SLC45A4: variants seen among roughly 807,000 people sequenced by gnomAD.
SLC45A4 encodes polyamine-transporter SLC45A4.
In SLC45A4, 32 loss-of-function variants were observed where a neutral mutation model predicts 63.7. The ratio of observed to expected loss-of-function variants is 0.50; its 90% CI spans 0.38 to 0.67. SLC45A4 has a LOEUF of 0.67. Among genes scored for constraint, SLC45A4 ranks in the 30% least tolerant of loss-of-function variants. The pLI, the probability that SLC45A4 is intolerant of heterozygous loss-of-function variation, is 0.00. For synonymous variants in SLC45A4, 535 were observed against 510.0 expected (o/e 1.05, Z -0.66); for missense variants, 1,027 against 1,157.7 (o/e 0.89, Z 1.64).
At chr8:141,306,856 C>T (rs554967983) in intron 1 of SLC45A4, among the ~76,000 whole-genome samples, 114 of 152,214 alleles carry the variant, frequency 7.5e-4, no homozygotes, top group Non-Finnish European at 1.4e-3. Flanking sequence ...CATCTGACCC[C>T]ACAACAATTA....
chr8:141,291,205 C>A (rs1183827923), intron 1 of SLC45A4, among the ~76,000 whole-genome samples: 1 of 152,180 alleles, frequency 6.6e-6, no homozygotes, highest in African/African-American at 2.4e-5. Context: ...AAACTGTATA[C>A]AAAATTGCAT....
chr8:141,252,447 A>C (rs377115177), intron 2 of SLC45A4: 5 of 48,372 alleles, frequency 1.0e-4, no homozygotes, highest in South Asian at 7.1e-4. Flanking sequence ...GTGAATTTCC[A>C]TGTTTTCACG....
intron 2 of SLC45A4, among the ~76,000 whole-genome samples, chr8:141,236,082 C>T (rs1297408858): frequency 6.6e-6 from 1 of 152,226 alleles, no homozygotes; most frequent in East Asian, 1.9e-4. Context: ...CCAGCCTGGG[C>T]GACAGAGCAA....
intron 2 of SLC45A4, among the ~76,000 whole-genome samples, chr8:141,223,505 A>G (rs1235880361): frequency 1.3e-5 from 2 of 152,226 alleles, no homozygotes; most frequent in African/African-American, 4.8e-5. Flanking sequence ...TGCAGACTGT[A>G]CCAATGTATG....
rs1161972932 is a variant in SLC45A4 at position 141,218,644 on chromosome 8, G to A, written c.996C>T (p.Pro332=). 1.2e-6 allele frequency: 2 copies of A among 1,613,250 alleles called. No individual in the cohort carries two copies. Among genetic ancestry groups the A allele is most frequent in the Non-Finnish European group, 1.7e-6 (2 of 1,179,914 alleles). The change falls in exon 5 of 9, where the codon CCC becomes CCT. Residue 332 remains proline, a synonymous_variant. Coordinates refer to ENST00000517878, the MANE Select transcript of SLC45A4 (RefSeq NM_001286646.2). ...GGTAGGAGGCGTCGTGGAAGATGGA[G>A]GGCTCGATGTCGTGCAGGAACAGCA... ...PELLFLHDIE[P]SIFHDASYPA...
At chr8:141,270,585 C>T (rs575863621) in intron 1 of SLC45A4, among the ~76,000 whole-genome samples, 5 of 151,956 alleles carry the variant, frequency 3.3e-5, no homozygotes, top group Admixed American at 6.6e-5. Flanking sequence ...GTGGGAGAAC[C>T]GCTTGAGGCC....
intron 2 of SLC45A4, among the ~76,000 whole-genome samples, chr8:141,240,252 G>A (rs1827846788): frequency 6.6e-6 from 1 of 152,212 alleles, no homozygotes; most frequent in African/African-American, 2.4e-5. Context: ...TTCGTCGAGT[G>A]GAGAGAAGTT....
At chr8:141,258,439 A>AT (rs1828904548) in intron 1 of SLC45A4, among the ~76,000 whole-genome samples, 1 of 152,256 alleles carries the variant, frequency 6.6e-6, no homozygotes, top group Non-Finnish European at 1.5e-5. Context: ...AGCAGGTTGC[A>AT]TAAGAATCAC....
chr8:141,239,740 T>G (rs1827812012), intron 2 of SLC45A4, among the ~76,000 whole-genome samples: 1 of 152,216 alleles, frequency 6.6e-6, no homozygotes, highest in African/African-American at 2.4e-5. Context: ...CTGCCGGTTT[T>G]AGAGACAACA....
At chr8:141,299,260 G>T (rs1377948064) in intron 1 of SLC45A4, among the ~76,000 whole-genome samples, 1 of 152,222 alleles carries the variant, frequency 6.6e-6, no homozygotes. Flanking sequence ...AGGACGCCAG[G>T]CTTCATGATG....
intron 1 of SLC45A4, among the ~76,000 whole-genome samples, chr8:141,257,473 T>C (rs1000864040): frequency 4.6e-5 from 7 of 152,226 alleles, no homozygotes; most frequent in African/African-American, 1.4e-4. Flanking sequence ...GAAATCCTAA[T>C]GACTTAATTA....
Position 141,254,333 on chromosome 8 carries a change from C to T in SLC45A4, c.-104G>A. 1 of 1,303,340 alleles carries T rather than the reference C, an allele frequency of 7.7e-7. No individual in the cohort carries two copies. The highest frequency in any genetic ancestry group is 2.7e-4 in the Middle Eastern group (1 of 3,676). 80.7% of individuals were successfully genotyped at this position (1,303,340 alleles called of 1,614,324 possible). ...AAGACGTCTTCTCTTTCTGCTTCTG[C>T]TGTGTTCCTCGGGCAGGTAACACTT... On this transcript the variant is annotated 5_prime_UTR_variant, in exon 2 of 9. Coordinates refer to ENST00000517878, the MANE Select transcript of SLC45A4 (RefSeq NM_001286646.2). This position sits in a 1 kb window ranked among gnomAD's most constrained non-coding sequence, Gnocchi z 4.5.
At chr8:141,250,251 T>G (rs573640476) in intron 2 of SLC45A4, among the ~76,000 whole-genome samples, 1 of 152,354 alleles carries the variant, frequency 6.6e-6, no homozygotes, top group Non-Finnish European at 1.5e-5. Flanking sequence ...GCCATACACA[T>G]TCACTTGAAA....
chr8:141,304,474 G>A (rs1830837524), intron 1 of SLC45A4, among the ~76,000 whole-genome samples: 2 of 150,564 alleles, frequency 1.3e-5, no homozygotes, highest in South Asian at 4.3e-4. Flanking sequence ...CAAAAGAATC[G>A]CTTGAACCTG....
intron 4 of SLC45A4, 140 bp from the exon 5 acceptor site, chr8:141,219,169 T>C (rs1354972757): frequency 1.3e-5 from 13 of 992,212 alleles, no homozygotes; most frequent in Non-Finnish European, 1.7e-5. Context: ...GAGAAAGCAG[T>C]AGGAAAACAA....
intron 7 of SLC45A4, 72 bp from the exon 8 acceptor site, chr8:141,212,628 G>C: frequency 6.8e-7 from 1 of 1,478,056 alleles, no homozygotes; most frequent in Non-Finnish European, 9.0e-7. Context: ...ACAACTGTGA[G>C]TATTAACCCA....
At chr8:141,275,387 G>A (rs1466787973) in intron 1 of SLC45A4, among the ~76,000 whole-genome samples, 2 of 152,102 alleles carry the variant, frequency 1.3e-5, no homozygotes, top group African/African-American at 2.4e-5. Context: ...CTTAAAATGC[G>A]TACAACTTTT....
At position 141,218,371 on chromosome 8, in the gene SLC45A4, G is replaced by A; in HGVS notation, c.1269C>T (p.Ala423=). ...RRRRHAFRRQ[A]SSTFSYYGKL... ...TGCCGTAGTAGGAGAAGGTGCTGGA[G>A]GCCTGCCTGCGGAACGCGTGCCGCC... is the stretch of plus-strand genomic sequence containing the variant. The change falls in exon 5 of 9, where the codon GCC becomes GCT. Residue 423 remains alanine (A), a synonymous_variant. Coordinates refer to ENST00000517878, the MANE Select transcript of SLC45A4 (RefSeq NM_001286646.2). The A allele has an allele frequency of 6.2e-7, 1 of 1,608,292 alleles. No individual in the cohort carries two copies. Among genetic ancestry groups the A allele is most frequent in the Non-Finnish European group, 8.5e-7 (1 of 1,179,734 alleles).
At chr8:141,242,843 G>A (rs1298068854) in intron 2 of SLC45A4, among the ~76,000 whole-genome samples, 1 of 152,192 alleles carries the variant, frequency 6.6e-6, no homozygotes, top group Non-Finnish European at 1.5e-5. Flanking sequence ...AAACACCGCG[G>A]GAAGCTGAAT....
Sources: gnomAD v4.1 joint callset for allele counts (sites outside exome capture counted in the v4.1 genomes callset) on GRCh38, gnomAD v4.1.1 for gene constraint, Gnocchi (gnomAD v3.1) non-coding constraint, MANE v1.5 for transcripts, NCBI Gene and HGNC (gene_info 2026-07-23, HGNC 2026-07-21) for gene names.